Variants in ERCC2 observed in about 807,000 individuals in gnomAD.
ERCC2 encodes the protein general transcription and DNA repair factor IIH helicase subunit XPD.
Under a neutral mutation model 99.4 loss-of-function variants are expected in ERCC2, and 90 were observed. The observed-to-expected ratio is 0.91, with a 90% CI of 0.76 to 1.08. The LOEUF (loss-of-function observed/expected upper bound fraction) is 1.08. Among genes scored for constraint, ERCC2 ranks in the 50% least tolerant of loss-of-function variants. The probability of loss-of-function intolerance (pLI) is 0.00; values close to 1 mark genes in which losing one functional copy is unlikely to be tolerated. For missense variants in ERCC2, 993 were observed against 1,038.1 expected (o/e 0.96, Z 0.60); for synonymous variants, 497 against 432.4 (o/e 1.15, Z -1.85).
At chr19:45,364,715 C>T (rs1972363231) in intron 7 of ERCC2, 123 bp downstream of exon 7, 2 of 1,255,920 alleles carry the variant, frequency 1.6e-6, no homozygotes, top group Non-Finnish European at 2.3e-6. Context: ...GGGCACCCAC[C>T]AACAGGGAGA....
chr19:45,370,398 C>T, intron 1 of ERCC2, 138 bp downstream of exon 1: 2 of 1,508,172 alleles, frequency 1.3e-6, no homozygotes, highest in Admixed American at 2.1e-5. Flanking sequence ...GCTATCACTG[C>T]TGCTCCCTGC....
chr19:45,354,475 G>C (rs953126772), intron 17 of ERCC2, among the ~76,000 whole-genome samples: 2 of 152,214 alleles, frequency 1.3e-5, no homozygotes, highest in African/African-American at 4.8e-5. Context: ...TAGAACGTGG[G>C]GGTGACTCTG....
chr19:45,352,003 C>T (rs762396053), intron 22 of ERCC2, among the ~76,000 whole-genome samples: 1 of 152,220 alleles, frequency 6.6e-6, no homozygotes, highest in African/African-American at 2.4e-5. Context: ...CTCACCCTGC[C>T]GTGCCTGGGC....
intron 11 of ERCC2, among the ~76,000 whole-genome samples, chr19:45,362,489 CAGGCAGGGCCG>C (rs1202852088): frequency 1.3e-5 from 2 of 152,260 alleles, no homozygotes; most frequent in Non-Finnish European, 2.9e-5. Context: ...CAACCACACA[CAGGCAGGGCCG>C]AGGCAGGGTC....
chr19:45,369,604 TCATAA>T (rs1173464011), intron 2 of ERCC2, among the ~76,000 whole-genome samples: 4 of 152,176 alleles, frequency 2.6e-5, no homozygotes, highest in East Asian at 1.9e-4. Context: ...AAAACCTTCC[TCATAA>T]CATGACTATG....
intron 11 of ERCC2, among the ~76,000 whole-genome samples, chr19:45,362,330 C>T (rs1306011627): frequency 6.6e-6 from 1 of 152,224 alleles, no homozygotes; most frequent in Non-Finnish European, 1.5e-5. Context: ...CACCCAGAGC[C>T]TCTCCCACTG....
In ERCC2 at chr19:45,363,846, A is replaced by G; in HGVS notation, c.1015T>C (p.Tyr339His). The change falls in exon 11 of 23, where the codon TAC (tyrosine) becomes CAC (histidine). Residue 339 changes from tyrosine (Y) to histidine (H), a missense_variant. Physicochemically the swap from Tyr to His is moderately conservative, Grantham distance 83. Around this residue, in one of 3 missense-constraint regions of ERCC2, gnomAD observed 909 missense variants for 930.8 expected, o/e 0.98. Coordinates refer to ENST00000391945, the MANE Select transcript of ERCC2 (RefSeq NM_000400.4). ...FLGFLRRLLE[Y>H]VKWRLRVQHV... ...TGCACACGCAGCCGCCACTTCACGT[A>G]CTCCAGCAGCCGCCTCAGGAAGCCC... is the stretch of plus-strand genomic sequence containing the variant. 1 of 1,548,800 alleles carries G rather than the reference A, an allele frequency of 6.5e-7. No individual in the cohort carries two copies. The highest frequency in any genetic ancestry group is 8.7e-7 in the Non-Finnish European group (1 of 1,154,022).
At position 45,355,658 on chromosome 19, in the gene ERCC2, A is replaced by G; in HGVS notation, c.1543+7T>C. 2 of 1,613,598 alleles carry G rather than the reference A, an allele frequency of 1.2e-6. No individual in the cohort carries two copies. The highest frequency in any genetic ancestry group is 1.7e-6 in the Non-Finnish European group (2 of 1,179,500). ...ACCCACAGAAACCAGCCCCACTGGC[A>G]GCATACCAATATCCTCCCGGGTCTC... On this transcript the variant is annotated splice_region_variant and intron_variant, in intron 16 of 22. Coordinates refer to ENST00000391945, the MANE Select transcript of ERCC2 (RefSeq NM_000400.4).
intron 17 of ERCC2, 56 bp downstream of exon 17, chr19:45,354,674 G>C: frequency 1.2e-6 from 2 of 1,606,528 alleles, no homozygotes. Context: ...CTGACATAGC[G>C]GTGCAGTGCC....
chr19:45,354,614 C>T (rs1281985333), intron 17 of ERCC2, 116 bp downstream of exon 17: 88 of 1,378,510 alleles, frequency 6.4e-5, no homozygotes, highest in Non-Finnish European at 1.1e-5. Context: ...TGCACACACT[C>T]TCCTGTCACA....
chr19:45,358,319 C>T, intron 12 of ERCC2: 1 of 191,882 alleles, frequency 5.2e-6, no homozygotes, highest in Non-Finnish European at 1.1e-5. Flanking sequence ...TGCACCTGGC[C>T]TCCCACGACC....
At chr19:45,352,872 G>A (rs1054517883) in intron 19 of ERCC2, 56 bp from the exon 20 acceptor site, 15 of 1,539,978 alleles carry the variant, frequency 9.7e-6, no homozygotes, top group East Asian at 2.3e-5. Context: ...GGTGGGACAG[G>A]GACAGCCTCA....
intron 2 of ERCC2, 150 bp from the exon 3 acceptor site, chr19:45,369,297 C>A: frequency 1.4e-6 from 1 of 697,534 alleles, no homozygotes; most frequent in Non-Finnish European, 2.6e-6. Flanking sequence ...GTTTGAACCT[C>A]ACTTCTGCCT....
At position 45,350,765 on chromosome 19, in the gene ERCC2, C is replaced by CTTT. The variant is rs1568528126; in HGVS notation, c.*863_*864insAAA. The stretch of plus-strand genomic sequence containing the variant: ...GCAGCCGGGTGAGTGTTGATCAGGT[C>CTTT]GGCAAAGAGCCCTGACATCAGCAGA... On this transcript the variant is annotated 3_prime_UTR_variant, in exon 23 of 23. Coordinates refer to ENST00000391945, the MANE Select transcript of ERCC2 (RefSeq NM_000400.4). 6 of 1,596,262 alleles carry CTTT rather than the reference C, an allele frequency of 3.8e-6. No individual in the cohort carries two copies. The African/African-American group carries it at 8.0e-5, about 21-fold the overall frequency.
chr19:45,353,432 G>A (rs1236621042), intron 17 of ERCC2, 98 bp from the exon 18 acceptor site: 12 of 786,212 alleles, frequency 1.5e-5, no homozygotes, highest in African/African-American at 1.2e-4. Flanking sequence ...ATGTCTCTGG[G>A]CCTCAGCTGG....
rs143488097 is a variant in ERCC2, at chr19:45,367,354, AAT to A, written c.360+1274_360+1275del. On this transcript the variant is annotated intron_variant, in intron 5 of 22. Coordinates refer to ENST00000391945, the MANE Select transcript of ERCC2 (RefSeq NM_000400.4). ...CGTCTCAAAAACAAAACAAAACAAA[AAT>A]ATATATATATATACACACACACACA... Among the ~76,000 whole-genome samples the A allele has an allele frequency of 8.4e-3, 1,190 of 142,050 alleles. 15 individuals carry two copies. The highest frequency in any genetic ancestry group is 0.023 in the African/African-American group (919 of 39,604). 93.2% of individuals were successfully genotyped at this position (142,050 alleles called of 152,430 possible). A position where few individuals can be genotyped will look rare whatever the true frequency, so the allele number is the denominator to read the frequency against.
Position 45,351,622 on chromosome 19 carries a change from G to C in ERCC2, c.*7C>G, listed in dbSNP as rs199702504. On this transcript the variant is annotated 3_prime_UTR_variant, in exon 23 of 23. Coordinates refer to ENST00000391945, the MANE Select transcript of ERCC2 (RefSeq NM_000400.4). ...CCAGGAACCGTTTATGGCCCCACCC[G>C]CCCCACTCAGAGCTGCTGAGCAATC... The C allele has an allele frequency of 2.5e-6, 4 of 1,613,550 alleles. No homozygotes were observed. The highest frequency in any genetic ancestry group is 1.7e-5 in the Admixed American group (1 of 60,020).
At chr19:45,356,214 G>A (rs1972007187) in intron 15 of ERCC2, among the ~76,000 whole-genome samples, 1 of 152,164 alleles carries the variant, frequency 6.6e-6, no homozygotes, top group African/African-American at 2.4e-5. Flanking sequence ...CCACCAGCCG[G>A]CAACCTCACA....
At chr19:45,363,297 TC>T (rs1972290420) in intron 11 of ERCC2, among the ~76,000 whole-genome samples, 1 of 152,062 alleles carries the variant, frequency 6.6e-6, no homozygotes, top group East Asian at 1.9e-4. Context: ...GGACACCTCC[TC>T]CAGCTCCCAG....
Sources: allele counts gnomAD v4.1 joint callset (sites outside exome capture counted in the v4.1 genomes callset), GRCh38; gene constraint gnomAD v4.1.1; regional missense constraint gnomAD v4.1.1; transcripts MANE v1.5; gene names NCBI Gene and HGNC (gene_info 2026-07-23, HGNC 2026-07-21).